Variants in PHLPP1 observed in about 807,000 individuals in gnomAD.
PHLPP1 encodes PH domain and leucine rich repeat protein phosphatase 1.
A neutral mutation model predicts 117.2 loss-of-function variants in PHLPP1; 42 were observed. The observed-to-expected ratio is 0.36, with a 90% CI of 0.28 to 0.46. The LOEUF is 0.46. PHLPP1 is among the 20% of genes least tolerant of loss of function. The probability of loss-of-function intolerance (pLI) is 1.00; values close to 1 mark genes in which losing one functional copy is unlikely to be tolerated. For missense variants in PHLPP1, 2,084 were observed against 2,241.9 expected, an observed-to-expected ratio of 0.93 and a Z score of 1.42; for synonymous variants, 1,042 against 970.7, an observed-to-expected ratio of 1.07 and a Z score of -1.37.
Position 62,963,465 on chromosome 18 carries a change from A to G in PHLPP1, c.3553A>G (p.Lys1185Glu). ...TGGTTACACTGAAGCTTCGGGGGTA[A>G]AAAACAAGTAAGTCAGATGAAACTT... The part of the protein sequence containing the change: ...SHGYTEASGV[K>E]NKLCVAALSV... The change falls in exon 14 of 17, where the codon AAA becomes GAA. Residue 1185 changes from lysine to glutamate, a missense_variant. This residue lies in a region of PHLPP1 where 1,365 missense variants were observed against 1,605.9 expected (regional missense o/e 0.85). Transcript: ENST00000262719. The G allele has an allele frequency of 6.2e-7, 1 of 1,605,634 alleles. No homozygotes were observed. Among genetic ancestry groups the G allele is most frequent in the Non-Finnish European group, 8.5e-7 (1 of 1,174,070 alleles).
intron 8 of PHLPP1, among the ~76,000 whole-genome samples, chr18:62,913,093 CATGCCCAGAATCTTCACT>C (rs1158254212): frequency 6.6e-6 from 1 of 152,214 alleles, no homozygotes; most frequent in Non-Finnish European, 1.5e-5. Context: ...TGGCCACTCT[CATGCCCAGAATCTTCACT>C]ATAACACACT....
chr18:62,867,017 A>T (rs71353603), intron 4 of PHLPP1, among the ~76,000 whole-genome samples: 9,012 of 152,096 alleles, frequency 0.059, 365 homozygotes, highest in Middle Eastern at 0.11. Flanking sequence ...TGTTTTTTAC[A>T]TTTCTTGGTT....
chr18:62,860,317 C>G (rs1915600257), intron 3 of PHLPP1, 118 bp from the exon 4 acceptor site: 1 of 813,926 alleles, frequency 1.2e-6, no homozygotes. Flanking sequence ...TATATTTGGA[C>G]TAACAGTGCT....
At chr18:62,926,938 C>T (rs1909646118) in intron 10 of PHLPP1, among the ~76,000 whole-genome samples, 2 of 152,096 alleles carry the variant, frequency 1.3e-5, no homozygotes, top group Non-Finnish European at 2.9e-5. Flanking sequence ...TGTCAAGCGA[C>T]GGCAGATTCA....
At position 62,945,209 on chromosome 18, in the gene PHLPP1, G is replaced by C. The variant is rs150696305; in HGVS notation, c.3262G>C (p.Val1088Leu). 1 of 1,612,864 alleles carries C rather than the reference G, an allele frequency of 6.2e-7. No individual in the cohort carries two copies. Among genetic ancestry groups the C allele is most frequent in the East Asian group, 2.2e-5 (1 of 44,790 alleles). ...CATGAATTGCAGGCGCATGCACACC[G>C]TGATTGCTCACTCCAACTGCATCGA... ...TIMNCRRMHT[V>L]IAHSNCIEVF... The change falls in exon 12 of 17, where the codon GTG becomes CTG. Residue 1088 changes from valine to leucine, a missense_variant. Around this residue, in one of 2 missense-constraint regions of PHLPP1, gnomAD observed 1,365 missense variants for 1,605.9 expected, o/e 0.85. Coordinates refer to ENST00000262719, the MANE Select transcript of PHLPP1 (RefSeq NM_194449.4).
At chr18:62,735,281 G>C (rs553746062) in intron 1 of PHLPP1, among the ~76,000 whole-genome samples, 1 of 152,008 alleles carries the variant, frequency 6.6e-6, no homozygotes, top group African/African-American at 2.4e-5. Flanking sequence ...ACGAGGTTTT[G>C]CCATGTTGCC....
chr18:62,897,899 A>T (rs776041580), intron 6 of PHLPP1, among the ~76,000 whole-genome samples: 3 of 151,344 alleles, frequency 2.0e-5, no homozygotes, highest in Non-Finnish European at 4.4e-5. Flanking sequence ...CTTTTATTCA[A>T]TTTTTTTTCC....
chr18:62,810,718 G>A (rs1914088659), intron 1 of PHLPP1, among the ~76,000 whole-genome samples: 2 of 152,150 alleles, frequency 1.3e-5, no homozygotes, highest in African/African-American at 4.8e-5. Flanking sequence ...TCATGGATAA[G>A]GGGGACTACT....
chr18:62,823,420 C>T (rs1038567417), intron 1 of PHLPP1, among the ~76,000 whole-genome samples: 3 of 151,698 alleles, frequency 2.0e-5, no homozygotes, highest in Non-Finnish European at 4.4e-5. Flanking sequence ...AAAAACTAGC[C>T]GGGCATGGTG....
rs1910710699 is a variant in PHLPP1, at chr18:62,715,945, G to A, written c.262G>A (p.Gly88Arg). 3.0e-5 allele frequency: 35 copies of A among 1,169,956 alleles called. No homozygotes were observed. Among genetic ancestry groups the A allele is most frequent in the Non-Finnish European group, 3.4e-5 (32 of 947,008 alleles). 72.5% of individuals were successfully genotyped at this position (1,169,956 alleles called of 1,614,324 possible). A position where few individuals can be genotyped will look rare whatever the true frequency, so the allele number is the denominator to read the frequency against. ...GCCGGGGCCGCTGCCGGGCAGAGCG[G>A]GGGGTGCCGGGCGCAGGAGGCGGCG... ...APPGPLPGRAGGAGRRRRRGA... is the reference protein window; with the variant it reads ...APPGPLPGRARGAGRRRRRGA... The change falls in exon 1 of 17, where the codon GGG (glycine) becomes AGG (arginine). Residue 88 changes from glycine to arginine, a missense_variant. Coordinates refer to ENST00000262719, the MANE Select transcript of PHLPP1 (RefSeq NM_194449.4).
chr18:62,745,668 T>G (rs1418040979), intron 1 of PHLPP1, among the ~76,000 whole-genome samples: 1 of 152,322 alleles, frequency 6.6e-6, no homozygotes, highest in South Asian at 2.1e-4. Flanking sequence ...TACCAAATAC[T>G]TTACATTTTT....
chr18:62,848,022 C>T (rs575632268), intron 3 of PHLPP1, among the ~76,000 whole-genome samples: 23 of 152,344 alleles, frequency 1.5e-4, no homozygotes, highest in Admixed American at 1.4e-3. Context: ...CTATTTTCAG[C>T]AGAAGTATCC....
At chr18:62,957,314 T>C (rs548451205) in intron 12 of PHLPP1, among the ~76,000 whole-genome samples, 1 of 152,286 alleles carries the variant, frequency 6.6e-6, no homozygotes, top group African/African-American at 2.4e-5. Context: ...AGCTATAATT[T>C]CTACTTACAG....
intron 1 of PHLPP1, among the ~76,000 whole-genome samples, chr18:62,810,092 GA>G (rs1470147692): frequency 6.6e-6 from 1 of 152,204 alleles, no homozygotes; most frequent in Non-Finnish European, 1.5e-5. Context: ...ACTTAGAGCT[GA>G]AGTGGTAACA....
intron 1 of PHLPP1, among the ~76,000 whole-genome samples, chr18:62,728,521 T>C (rs1293683405): frequency 6.6e-5 from 10 of 150,954 alleles, no homozygotes; most frequent in African/African-American, 2.4e-4. Context: ...TTTTTTTTTT[T>C]GAGACAGTGT....
chr18:62,815,855 T>C (rs1914256954), intron 1 of PHLPP1, among the ~76,000 whole-genome samples: 1 of 152,234 alleles, frequency 6.6e-6, no homozygotes, highest in Admixed American at 6.5e-5. Context: ...GTGCTACCCT[T>C]TTCCTGATAT....
chr18:62,835,884 G>T (rs930907873), intron 2 of PHLPP1, among the ~76,000 whole-genome samples: 1 of 146,242 alleles, frequency 6.8e-6, no homozygotes, highest in African/African-American at 2.5e-5. Flanking sequence ...GGGTTCAAGC[G>T]ATTCTCCTGC....
At chr18:62,905,400 A>G in intron 8 of PHLPP1, 116 bp downstream of exon 8, 1 of 448,938 alleles carries the variant, frequency 2.2e-6, no homozygotes, top group Non-Finnish European at 3.9e-6. Flanking sequence ...TAAAAAATTA[A>G]TGATTTTTAC....
intron 6 of PHLPP1, among the ~76,000 whole-genome samples, chr18:62,900,793 T>C (rs193113460): frequency 6.6e-6 from 1 of 152,310 alleles, no homozygotes; most frequent in Admixed American, 6.5e-5. Flanking sequence ...AGAGTGGATG[T>C]ATTTTCACCA....
Sources: allele counts gnomAD v4.1 joint callset (sites outside exome capture counted in the v4.1 genomes callset), GRCh38; gene constraint gnomAD v4.1.1; regional missense constraint gnomAD v4.1.1; transcripts MANE v1.5; gene names NCBI Gene and HGNC (gene_info 2026-07-23, HGNC 2026-07-21).